Variants in LRP1B observed in about 807,000 individuals in gnomAD.
The protein encoded by LRP1B is LDL receptor related protein 1B, also known as low-density lipoprotein receptor-related protein 1B.
In LRP1B, 217 loss-of-function variants were observed where a neutral mutation model predicts 556.6. The observed-to-expected ratio is 0.39, with a 90% CI of 0.35 to 0.44. LRP1B has a LOEUF of 0.44. LRP1B is among the 20% of genes least tolerant of loss of function. LRP1B has a pLI of 1.00. For synonymous variants in LRP1B, 2,047 were observed against 1,865.8 expected (o/e 1.10, Z -2.50); for missense variants, 5,053 against 5,620.8 (o/e 0.90, Z 3.23).
chr2:142,015,047 C>G (rs1448558900), intron 1 of LRP1B, among the ~76,000 whole-genome samples: 3 of 152,096 alleles, frequency 2.0e-5, no homozygotes, highest in African/African-American at 7.2e-5. Context: ...ATCAGAGTAA[C>G]TGGGAATTAC....
chr2:141,917,642 T>C (rs1434227001), intron 1 of LRP1B, among the ~76,000 whole-genome samples: 1 of 152,180 alleles, frequency 6.6e-6, no homozygotes, highest in Admixed American at 6.5e-5. Flanking sequence ...GGACAGCAAA[T>C]TAGTCAAAGA....
intron 1 of LRP1B, among the ~76,000 whole-genome samples, chr2:142,069,862 C>A (rs536264900): frequency 6.6e-6 from 1 of 151,566 alleles, no homozygotes; most frequent in African/African-American, 2.4e-5. Flanking sequence ...TTTTGCTAAT[C>A]AACATGTTTG....
intron 20 of LRP1B, among the ~76,000 whole-genome samples, chr2:140,938,076 G>A (rs540142219): frequency 7.9e-5 from 12 of 151,880 alleles, no homozygotes; most frequent in African/African-American, 2.7e-4. Context: ...GCTCCTTCCA[G>A]GAAGCAGCAT....
chr2:141,194,916 C>T (rs1443472215), intron 6 of LRP1B, among the ~76,000 whole-genome samples: 2 of 152,004 alleles, frequency 1.3e-5, no homozygotes, highest in Non-Finnish European at 2.9e-5. Flanking sequence ...ATCTTTTTGA[C>T]TGCTTGTGAT....
chr2:141,499,041 AC>A (rs1171493903), intron 2 of LRP1B, among the ~76,000 whole-genome samples: 8 of 152,076 alleles, frequency 5.3e-5, no homozygotes, highest in African/African-American at 1.9e-4. Context: ...GATCTGAGAA[AC>A]TACAGAAGAG....
chr2:141,257,011 T>C lies in LRP1B; in HGVS notation c.344-2370A>G, dbSNP rs538643505. On this transcript the variant is annotated intron_variant, in intron 3 of 90. Transcript: ENST00000389484. Reference sequence around the variant, plus strand: ...ACCACCAAGAAAAACTGCAAAATAATAAAGTACATAAGTGAAGAACCTAGA... The same window carrying C: ...ACCACCAAGAAAAACTGCAAAATAACAAAGTACATAAGTGAAGAACCTAGA... 2.6e-5 allele frequency among the ~76,000 whole-genome samples: 4 copies of C among 151,270 alleles called. No individual in the cohort carries two copies. The South Asian group carries it at 8.4e-4, about 32-fold the overall frequency.
At chr2:140,324,178 T>G in intron 80 of LRP1B, 112 bp from the exon 81 acceptor site, 1 of 587,204 alleles carries the variant, frequency 1.7e-6, no homozygotes, top group Non-Finnish European at 2.9e-6. Flanking sequence ...AAAATAAACT[T>G]TCAGAATTGG....
At chr2:140,531,971 C>T (rs16844174) in intron 47 of LRP1B, among the ~76,000 whole-genome samples, 8,347 of 152,108 alleles carry the variant, frequency 0.055, 408 homozygotes, top group African/African-American at 0.14. Flanking sequence ...AATTTTGATG[C>T]ACTCTACTCA....
intron 83 of LRP1B, among the ~76,000 whole-genome samples, chr2:140,311,652 T>C (rs1295449957): frequency 6.6e-6 from 1 of 151,868 alleles, no homozygotes; most frequent in Non-Finnish European, 1.5e-5. Context: ...TGCACTTGTA[T>C]TCCCTAAATT....
At chr2:141,954,586 C>A (rs577413649) in intron 1 of LRP1B, among the ~76,000 whole-genome samples, 14 of 152,208 alleles carry the variant, frequency 9.2e-5, no homozygotes, top group Non-Finnish European at 1.8e-4. Context: ...TATAAATTAA[C>A]ATGTTTTCTG....
intron 37 of LRP1B, among the ~76,000 whole-genome samples, chr2:140,713,534 GCTTC>G (rs1687109912): frequency 6.6e-6 from 1 of 151,956 alleles, no homozygotes; most frequent in African/African-American, 2.4e-5. Flanking sequence ...TCTGATCTTA[GCTTC>G]TGTATGTTGT....
chr2:140,782,840 A>G (rs1689748747), intron 32 of LRP1B, among the ~76,000 whole-genome samples: 1 of 152,126 alleles, frequency 6.6e-6, no homozygotes, highest in African/African-American at 2.4e-5. Flanking sequence ...GTCTTATTTC[A>G]TTGTCATAAA....
intron 3 of LRP1B, among the ~76,000 whole-genome samples, chr2:141,381,577 G>A (rs1689644041): frequency 6.6e-6 from 1 of 150,978 alleles, no homozygotes. Flanking sequence ...AAATACAAAA[G>A]AACCCATACT....
chr2:142,029,917 T>C (rs557136687), intron 1 of LRP1B, among the ~76,000 whole-genome samples: 2 of 151,982 alleles, frequency 1.3e-5, no homozygotes, highest in East Asian at 3.9e-4. Context: ...GCATTAGAGC[T>C]TGCAATAAAT....
intron 1 of LRP1B, among the ~76,000 whole-genome samples, chr2:141,887,856 C>T (rs1699173205): frequency 6.6e-6 from 1 of 152,122 alleles, no homozygotes; most frequent in Non-Finnish European, 1.5e-5. Flanking sequence ...TTCATGAGCA[C>T]ACTACTTTCT....
At chr2:141,258,936 C>T (rs1376136966) in intron 3 of LRP1B, among the ~76,000 whole-genome samples, 1 of 152,118 alleles carries the variant, frequency 6.6e-6, no homozygotes, top group Non-Finnish European at 1.5e-5. Flanking sequence ...ATTACCCAGT[C>T]TCAGGTAGTT....
In LRP1B at chr2:140,811,580, T is replaced by C. The variant is rs573267890; in HGVS notation, c.5359+2077A>G. The stretch of plus-strand genomic sequence containing the variant: ...ATTTGATAGTTTGGGTTTCATAAAG[T>C]ACATTGGAAATAAGTTTTTGAAAAC... On this transcript the variant is annotated intron_variant, in intron 32 of 90. Transcript: ENST00000389484. Among the ~76,000 whole-genome samples the C allele has an allele frequency of 2.5e-3, 386 of 152,322 alleles. 1 individual carries two copies. The highest frequency in any genetic ancestry group is 7.9e-3 in the African/African-American group (327 of 41,588).
chr2:140,661,481 G>A lies in LRP1B; in HGVS notation c.6799+38769C>T, dbSNP rs544083213. On this transcript the variant is annotated intron_variant, in intron 41 of 90. Coordinates refer to ENST00000389484, the MANE Select transcript of LRP1B (RefSeq NM_018557.3). ...TCAAGACCAGCCTGGGCAAAATGAT[G>A]AGACCCCATCTCTACAAATAATTAA... Among the ~76,000 whole-genome samples the A allele has an allele frequency of 4.0e-5, 6 of 149,164 alleles. No homozygotes were observed. In the East Asian group the frequency reaches 1.0e-3, roughly 25 times the overall value.
At chr2:140,633,079 A>G (rs986706556) in intron 41 of LRP1B, among the ~76,000 whole-genome samples, 1 of 151,826 alleles carries the variant, frequency 6.6e-6, no homozygotes, top group Non-Finnish European at 1.5e-5. Flanking sequence ...AAGAAAAAAA[A>G]AAGAAAAGAA....
Sources: gnomAD v4.1 joint callset for allele counts (sites outside exome capture counted in the v4.1 genomes callset) on GRCh38, gnomAD v4.1.1 for gene constraint, MANE v1.5 for transcripts, NCBI Gene and HGNC (gene_info 2026-07-23, HGNC 2026-07-21) for gene names.